PRKCZ: variants seen among roughly 807,000 people sequenced by gnomAD.
PRKCZ encodes the protein protein kinase C zeta, also known as protein kinase C zeta type.
A neutral mutation model predicts 79.5 loss-of-function variants in PRKCZ; 33 were observed. The ratio of observed to expected loss-of-function variants is 0.41; its 90% CI spans 0.31 to 0.55. PRKCZ has a LOEUF of 0.55. Ranked by LOEUF, PRKCZ falls within the 20% of genes least tolerant of loss-of-function variation. The pLI, the probability that PRKCZ is intolerant of heterozygous loss-of-function variation, is 0.19. For synonymous variants in PRKCZ, 342 were observed against 320.9 expected (o/e 1.07, Z -0.70); for missense variants, 578 against 813.5 (o/e 0.71, Z 3.52).
intron 4 of PRKCZ, among the ~76,000 whole-genome samples, chr1:2,072,609 C>T (rs959518222): frequency 1.4e-4 from 22 of 152,154 alleles, no homozygotes; most frequent in Non-Finnish European, 7.4e-5. Flanking sequence ...CCTGGGGCGA[C>T]TGGGGGCCCG....
Position 2,082,619 on chromosome 1 carries a change from C to T in PRKCZ, c.334+23028C>T, listed in dbSNP as rs778210008. Among the ~76,000 whole-genome samples the T allele has an allele frequency of 7.2e-5, 11 of 152,154 alleles. No homozygotes were observed. Among genetic ancestry groups the T allele is most frequent in the African/African-American group, 9.7e-5 (4 of 41,440 alleles). ...CCCACCACGGCCGATTTCAGGCTGC[C>T]GAAGTGGAGGGGTTCAGTGAAGGTG... On this transcript the variant is annotated intron_variant, in intron 4 of 17. Coordinates refer to ENST00000378567, the MANE Select transcript of PRKCZ (RefSeq NM_002744.6). This position sits in a 1 kb window ranked among gnomAD's most constrained non-coding sequence, Gnocchi z 4.4.
At chr1:2,159,521 A>G (rs1681806653) in intron 10 of PRKCZ, among the ~76,000 whole-genome samples, 1 of 152,196 alleles carries the variant, frequency 6.6e-6, no homozygotes, top group Admixed American at 6.5e-5. Context: ...GGCCGATGAA[A>G]CTGCAGAGGT....
At position 2,104,792 on chromosome 1, in the gene PRKCZ, G is replaced by A. The variant is rs41315334; in HGVS notation, c.335-30470G>A. ...GCTCACTGCTGCCCCCCGGGGCCGA[G>A]CACGAAAGGGAGAGTTGGAGGGCGC... On this transcript the variant is annotated intron_variant, in intron 4 of 17. Transcript: ENST00000378567. 2.2e-3 allele frequency: 2,179 copies of A among 985,930 alleles called. 1 individual carries two copies. Among genetic ancestry groups the A allele is most frequent in the Non-Finnish European group, 2.5e-3 (2,078 of 830,354 alleles). The allele number at this position is 985,930 out of a possible 1,614,324, so 61.1% of individuals were successfully genotyped here. A position where few individuals can be genotyped will look rare whatever the true frequency, so the allele number is the denominator to read the frequency against.
rs968273623 is a variant in PRKCZ at position 2,125,245 on chromosome 1, C to G, written c.335-10017C>G. ...GTATTTGGTATGAATTTATTTGCAA[C>G]TGACTGCTTGGAAGTTGGCGTACAT... is the stretch of plus-strand genomic sequence containing the variant. On this transcript the variant is annotated intron_variant, in intron 4 of 17. Transcript: ENST00000378567. The surrounding 1 kb of genome is among the most constrained non-coding windows in gnomAD (Gnocchi z 4.2). Among the ~76,000 whole-genome samples, 2 of 152,234 alleles carry G rather than the reference C, an allele frequency of 1.3e-5. No individual in the cohort carries two copies. Among genetic ancestry groups the G allele is most frequent in the Non-Finnish European group, 2.9e-5 (2 of 68,040 alleles).
At chr1:2,180,419 C>T (rs866264709) in intron 16 of PRKCZ, among the ~76,000 whole-genome samples, 3 of 152,100 alleles carry the variant, frequency 2.0e-5, no homozygotes, top group African/African-American at 4.8e-5. Flanking sequence ...GCACGGACGA[C>T]GTAGACACAC....
chr1:2,128,310 G>A lies in PRKCZ; in HGVS notation c.335-6952G>A, dbSNP rs571546370. On this transcript the variant is annotated intron_variant, in intron 4 of 17. Coordinates refer to ENST00000378567, the MANE Select transcript of PRKCZ (RefSeq NM_002744.6). The surrounding 1 kb of genome is among the most constrained non-coding windows in gnomAD (Gnocchi z 6.5). ...GGCTGTGCTGGTCACCCTGTGTAGC[G>A]GGGCCATGTCCAGTGAACAGGAGAG... 2.0e-5 allele frequency among the ~76,000 whole-genome samples: 3 copies of A among 152,348 alleles called. No homozygotes were observed. Among genetic ancestry groups the A allele is most frequent in the South Asian group, 4.1e-4 (2 of 4,830 alleles).
chr1:2,057,407 C>G (rs1660270021), intron 3 of PRKCZ, among the ~76,000 whole-genome samples: 1 of 152,248 alleles, frequency 6.6e-6, no homozygotes, highest in Non-Finnish European at 1.5e-5. Context: ...TCTGGCGTAG[C>G]TTGGGCTCCT....
chr1:2,114,491 G>A (rs1031444438), intron 4 of PRKCZ, among the ~76,000 whole-genome samples: 1 of 152,204 alleles, frequency 6.6e-6, no homozygotes, highest in African/African-American at 2.4e-5. Flanking sequence ...AAAAAGATAA[G>A]ATGACTGGGC....
At chr1:2,148,766 C>G in intron 7 of PRKCZ, 106 bp from the exon 8 acceptor site, 1 of 1,130,138 alleles carries the variant, frequency 8.8e-7, no homozygotes, top group Non-Finnish European at 1.3e-6. Flanking sequence ...TGTGGATTCA[C>G]CCTTCACCGT....
At position 2,077,453 on chromosome 1, in the gene PRKCZ, T is replaced by C. The variant is rs540582944; in HGVS notation, c.334+17862T>C. 3.4e-4 allele frequency among the ~76,000 whole-genome samples: 52 copies of C among 152,270 alleles called. 1 individual carries two copies. Among genetic ancestry groups the C allele is most frequent in the African/African-American group, 1.1e-3 (45 of 41,550 alleles). ...CTGTTTGTTCCTCAGCGAACCTTGATTGTTGAAAGAATCCCGTGAGGCTGT... is the reference window on the plus strand; with the variant it reads ...CTGTTTGTTCCTCAGCGAACCTTGACTGTTGAAAGAATCCCGTGAGGCTGT... On this transcript the variant is annotated intron_variant, in intron 4 of 17. Transcript: ENST00000378567.
chr1:2,056,780 G>C (rs1249826844), intron 3 of PRKCZ, among the ~76,000 whole-genome samples: 1 of 149,088 alleles, frequency 6.7e-6, no homozygotes, highest in Middle Eastern at 3.2e-3. Flanking sequence ...CCAGGCTGGA[G>C]TGCAGTGGCA....
chr1:2,183,349 G>A (rs1557762793), intron 16 of PRKCZ, among the ~76,000 whole-genome samples: 3 of 152,096 alleles, frequency 2.0e-5, no homozygotes, highest in Non-Finnish European at 2.9e-5. Flanking sequence ...AGCCGAGATC[G>A]CGCCACTGCA....
chr1:2,080,360 C>CGGTGCGCGTGGACGTGGCGGTGCGCGTGG (rs57779515), intron 4 of PRKCZ, among the ~76,000 whole-genome samples: 1 of 151,924 alleles, frequency 6.6e-6, no homozygotes, highest in African/African-American at 2.4e-5. Context: ...GTGGACGTGG[C>CGGTGCGCGTGGACGTGGCGGTGCGCGTGG]AGGTGTGGAC....
chr1:2,147,455 C>CTA (rs1361670232), intron 7 of PRKCZ, among the ~76,000 whole-genome samples: 5 of 149,096 alleles, frequency 3.4e-5, no homozygotes, highest in Admixed American at 6.7e-5. Flanking sequence ...ATCCATCTAT[C>CTA]TTGTCCACTG....
chr1:2,172,522 TG>T lies in PRKCZ; in HGVS notation c.1285+135del. ...CCACACACTGTCTTTCCCAGCCGGA[TG>T]TCATCATCTGGCCTCAGCCCCTTAT... is the stretch of plus-strand genomic sequence containing the variant. On this transcript the variant is annotated intron_variant, in intron 13 of 17. Transcript: ENST00000378567. This position sits in a 1 kb window ranked among gnomAD's most constrained non-coding sequence, Gnocchi z 7.8. 1 of 1,027,502 alleles carries T rather than the reference TG, an allele frequency of 9.7e-7. No individual in the cohort carries two copies. Among genetic ancestry groups the T allele is most frequent in the Non-Finnish European group, 1.4e-6 (1 of 724,650 alleles). The allele number at this position is 1,027,502 out of a possible 1,614,324, so 63.6% of individuals were successfully genotyped here.
intron 4 of PRKCZ, among the ~76,000 whole-genome samples, chr1:2,080,125 C>A (rs966598822): frequency 6.6e-6 from 1 of 152,158 alleles, no homozygotes; most frequent in Non-Finnish European, 1.5e-5. Context: ...TTCCAGGTCC[C>A]AGGGCATCCA....
rs764316502 is a variant in PRKCZ at position 2,125,306 on chromosome 1, C to G, written c.335-9956C>G. 1.3e-5 allele frequency among the ~76,000 whole-genome samples: 2 copies of G among 152,262 alleles called. No individual in the cohort carries two copies. The highest frequency in any genetic ancestry group is 2.9e-5 in the Non-Finnish European group (2 of 68,042). ...AAACTATGAAAATACTGGTCAGCCT[C>G]TCAGTCATTTCATAAAATCTTGATT... On this transcript the variant is annotated intron_variant, in intron 4 of 17. Coordinates refer to ENST00000378567, the MANE Select transcript of PRKCZ (RefSeq NM_002744.6). The surrounding 1 kb of genome is among the most constrained non-coding windows in gnomAD (Gnocchi z 4.2).
chr1:2,072,908 G>A (rs565127996), intron 4 of PRKCZ, among the ~76,000 whole-genome samples: 51 of 152,218 alleles, frequency 3.4e-4, no homozygotes, highest in African/African-American at 1.0e-3. Flanking sequence ...TGCCGAGTGC[G>A]TTTGGGGAAG....
At chr1:2,073,294 A>G (rs1661783614) in intron 4 of PRKCZ, among the ~76,000 whole-genome samples, 1 of 152,138 alleles carries the variant, frequency 6.6e-6, no homozygotes, top group East Asian at 1.9e-4. Flanking sequence ...TGGGGTGGAC[A>G]CAACCACATC....
Sources: allele counts gnomAD v4.1 joint callset (sites outside exome capture counted in the v4.1 genomes callset), GRCh38; gene constraint gnomAD v4.1.1; non-coding constraint Gnocchi (gnomAD v3.1); transcripts MANE v1.5; gene names NCBI Gene and HGNC (gene_info 2026-07-23, HGNC 2026-07-21).